Variants in VAPB observed in about 807,000 individuals in gnomAD.
The protein encoded by VAPB is VAMP associated protein B and C, also known as vesicle-associated membrane protein-associated protein B/C.
Under a neutral mutation model 25.6 loss-of-function variants are expected in VAPB, and 7 were observed. The ratio of observed to expected loss-of-function variants is 0.27; its 90% confidence interval spans 0.16 to 0.51. The LOEUF (loss-of-function observed/expected upper bound fraction) is 0.51, where lower values mean the gene tolerates loss of function less well. Ranked by LOEUF, VAPB falls within the 20% of genes least tolerant of loss-of-function variation. The pLI, the probability that VAPB is intolerant of heterozygous loss-of-function variation, is 0.97. For synonymous variants in VAPB, 112 were observed against 109.2 expected, an observed-to-expected ratio of 1.03 and a Z score of -0.16; for missense variants, 266 against 301.3, an observed-to-expected ratio of 0.88 and a Z score of 0.87.
chr20:58,450,696 T>C lies in VAPB; in HGVS notation c.*6461T>C. On this transcript the variant is annotated 3_prime_UTR_variant, in exon 6 of 6. Transcript: ENST00000475243. ...AAAAAGATTCCCACAGTTTCTGATG[T>C]GTGTGTTTATAGTCTTCAATGTATG... The C allele has an allele frequency of 2.2e-6, 1 of 453,492 alleles. No homozygotes were observed. 28.1% of individuals were successfully genotyped at this position (453,492 alleles called of 1,614,324 possible).
chr20:58,394,451 C>T (rs1377506743), intron 1 of VAPB, among the ~76,000 whole-genome samples: 2 of 152,194 alleles, frequency 1.3e-5, no homozygotes, highest in East Asian at 1.9e-4. Context: ...TTCATGATCA[C>T]GTGGAGCAGA....
In VAPB at chr20:58,440,854, A is replaced by C. The variant is rs1989143280; in HGVS notation, c.397-53A>C. 4 of 1,573,468 alleles carry C rather than the reference A, an allele frequency of 2.5e-6. No homozygotes were observed. The South Asian group carries it at 4.6e-5, about 18-fold the overall frequency. On this transcript the variant is annotated intron_variant, in intron 4 of 5. Coordinates refer to ENST00000475243, the MANE Select transcript of VAPB (RefSeq NM_004738.5). ...AGAACTACTTTACTTTGCATAAAAA[A>C]GTCCATTATTACATGGTCGGTGACA...
Position 58,449,973 on chromosome 20 carries a change from T to G in VAPB, c.*5738T>G. The G allele has an allele frequency of 2.2e-6, 1 of 454,052 alleles. No homozygotes were observed. The allele number at this position is 454,052 out of a possible 1,614,324, so 28.1% of individuals were successfully genotyped here. The stretch of plus-strand genomic sequence containing the variant: ...TTGGAAAATGCCAACTAAGGGAGAC[T>G]AATCAGATATCTTAACACAATTTCA... On this transcript the variant is annotated 3_prime_UTR_variant, in exon 6 of 6. Transcript: ENST00000475243.
At position 58,447,353 on chromosome 20, in the gene VAPB, C is replaced by G. The variant is rs56310716; in HGVS notation, c.*3118C>G. On this transcript the variant is annotated 3_prime_UTR_variant, in exon 6 of 6. Coordinates refer to ENST00000475243, the MANE Select transcript of VAPB (RefSeq NM_004738.5). The stretch of plus-strand genomic sequence containing the variant: ...CCTAGTTTGCATGTTTTCCTTCTCT[C>G]GTCTTCTGAACTGCTGGCACCAGCA... 2.2e-6 allele frequency: 1 copy of G among 453,946 alleles called. No homozygotes were observed. Among genetic ancestry groups the G allele is most frequent in the African/African-American group, 2.0e-5 (1 of 49,972 alleles). The allele number at this position is 453,946 out of a possible 1,614,324, so 28.1% of individuals were successfully genotyped here. A position where few individuals can be genotyped will look rare whatever the true frequency, so the allele number is the denominator to read the frequency against.
intron 1 of VAPB, among the ~76,000 whole-genome samples, chr20:58,403,960 T>C (rs1415912167): frequency 6.6e-6 from 1 of 152,210 alleles, no homozygotes; most frequent in Non-Finnish European, 1.5e-5. Flanking sequence ...TCACATCTAC[T>C]CAGTCCATTT....
chr20:58,429,366 G>A (rs1328502503), intron 2 of VAPB, among the ~76,000 whole-genome samples: 6 of 152,188 alleles, frequency 3.9e-5, no homozygotes, highest in Admixed American at 1.3e-4. Context: ...TCAGGCTGTC[G>A]CCGGTGCTCT....
In VAPB at chr20:58,408,894, C is replaced by A. The variant is rs1407716768; in HGVS notation, c.59-9317C>A. 2.9e-4 allele frequency among the ~76,000 whole-genome samples: 38 copies of A among 130,486 alleles called. 1 individual carries two copies. The highest frequency in any genetic ancestry group is 6.4e-4 in the South Asian group (2 of 3,130). The allele number at this position is 130,486 out of a possible 152,430, so 85.6% of individuals were successfully genotyped here. ...CTGGTGATGAATAGGACAGACACCC[C>A]CCCCCCCCACCCCGCCCCCCACTCC... On this transcript the variant is annotated intron_variant, in intron 1 of 5. Coordinates refer to ENST00000475243, the MANE Select transcript of VAPB (RefSeq NM_004738.5).
chr20:58,450,206 T>C lies in VAPB; in HGVS notation c.*5971T>C, dbSNP rs1165484242. 4.4e-6 allele frequency: 2 copies of C among 453,224 alleles called. No homozygotes were observed. The highest frequency in any genetic ancestry group is 2.4e-5 in the Admixed American group (1 of 42,476). The allele number at this position is 453,224 out of a possible 1,614,324, so 28.1% of individuals were successfully genotyped here. ...TTCAGCTGTTAATCCTCTAGTACAG[T>C]ATCCATGTTAAAATGTTTTTCCATT... is the stretch of plus-strand genomic sequence containing the variant. On this transcript the variant is annotated 3_prime_UTR_variant, in exon 6 of 6. Coordinates refer to ENST00000475243, the MANE Select transcript of VAPB (RefSeq NM_004738.5).
intron 5 of VAPB, among the ~76,000 whole-genome samples, chr20:58,442,687 G>A (rs186007484): frequency 3.1e-4 from 47 of 152,324 alleles, no homozygotes; most frequent in African/African-American, 1.1e-3. Context: ...ATTCAAACAC[G>A]AACAGCCCCT....
intron 1 of VAPB, among the ~76,000 whole-genome samples, chr20:58,410,570 C>T (rs1384060904): frequency 6.6e-6 from 1 of 152,040 alleles, no homozygotes; most frequent in Non-Finnish European, 1.5e-5. Context: ...GTGTGTGCCC[C>T]CACACCTAGC....
intron 1 of VAPB, among the ~76,000 whole-genome samples, chr20:58,415,875 G>T (rs903574271): frequency 2.0e-5 from 3 of 152,080 alleles, no homozygotes; most frequent in African/African-American, 7.2e-5. Flanking sequence ...CACTAACATG[G>T]TTTATTTTCT....
At chr20:58,442,420 C>T (rs1171628954) in intron 5 of VAPB, among the ~76,000 whole-genome samples, 1 of 152,042 alleles carries the variant, frequency 6.6e-6, no homozygotes, top group African/African-American at 2.4e-5. Context: ...GAAATAGCTT[C>T]TATATAACCT....
chr20:58,430,708 T>C (rs771946167), intron 2 of VAPB, among the ~76,000 whole-genome samples: 1 of 152,182 alleles, frequency 6.6e-6, no homozygotes, highest in Admixed American at 6.5e-5. Context: ...CCTGAGTAGC[T>C]GGGATTACAG....
rs1172258154 is a variant in VAPB at position 58,444,732 on chromosome 20, C to T, written c.*497C>T. ...TTCAGTTCTGTCCAAGCCATCAGCT[C>T]CTTGGGACTGATGAACAGAGTCAGA... On this transcript the variant is annotated 3_prime_UTR_variant, in exon 6 of 6. Transcript: ENST00000475243. 4.4e-6 allele frequency: 2 copies of T among 454,416 alleles called. No homozygotes were observed. The highest frequency in any genetic ancestry group is 4.0e-5 in the African/African-American group (2 of 50,010). 28.1% of individuals were successfully genotyped at this position (454,416 alleles called of 1,614,324 possible). A position where few individuals can be genotyped will look rare whatever the true frequency, so the allele number is the denominator to read the frequency against.
chr20:58,426,593 C>T (rs1489428807), intron 2 of VAPB, among the ~76,000 whole-genome samples: 2 of 152,096 alleles, frequency 1.3e-5, no homozygotes, highest in Non-Finnish European at 2.9e-5. Context: ...CAATAAGAGA[C>T]CAAGAAATCC....
In VAPB at chr20:58,389,275, G is replaced by T; in HGVS notation, c.-185G>T. The T allele has an allele frequency of 1.4e-6, 1 of 699,688 alleles. No homozygotes were observed. 43.3% of individuals were successfully genotyped at this position (699,688 alleles called of 1,614,324 possible). A position where few individuals can be genotyped will look rare whatever the true frequency, so the allele number is the denominator to read the frequency against. ...CACCGCGGCCTCGCCCTCGCCCTCC[G>T]CCCCTGCGCCTGCACCGCGTAGACC... is the stretch of plus-strand genomic sequence containing the variant. On this transcript the variant is annotated 5_prime_UTR_variant, in exon 1 of 6. Coordinates refer to ENST00000475243, the MANE Select transcript of VAPB (RefSeq NM_004738.5).
chr20:58,441,899 G>A (rs1989170398), intron 5 of VAPB, among the ~76,000 whole-genome samples: 1 of 152,166 alleles, frequency 6.6e-6, no homozygotes, highest in Non-Finnish European at 1.5e-5. Context: ...TGGAGGTGGG[G>A]TGCCTCACAG....
chr20:58,439,836 A>T (rs1221698658), intron 4 of VAPB: 2 of 152,160 alleles, frequency 1.3e-5, no homozygotes, highest in African/African-American at 4.8e-5. Context: ...GCTAATTTGG[A>T]CTTCCCTTCA....
intron 2 of VAPB, among the ~76,000 whole-genome samples, chr20:58,425,305 G>C (rs1988761631): frequency 6.6e-6 from 1 of 152,210 alleles, no homozygotes; most frequent in African/African-American, 2.4e-5. Flanking sequence ...TGGAAGGGAG[G>C]GAGTGACTCT....
Sources: allele counts gnomAD v4.1 joint callset (sites outside exome capture counted in the v4.1 genomes callset), GRCh38; gene constraint gnomAD v4.1.1; transcripts MANE v1.5; gene names NCBI Gene and HGNC (gene_info 2026-07-23, HGNC 2026-07-21).